Variants in ZNF451 observed in about 807,000 individuals in gnomAD.
ZNF451 encodes E3 SUMO-protein ligase ZNF451.
Under a neutral mutation model 107.1 loss-of-function variants are expected in ZNF451, and 80 were observed. The observed-to-expected ratio is 0.75, with a 90% CI of 0.62 to 0.90. ZNF451 has a LOEUF of 0.90. Among genes scored for constraint, ZNF451 ranks in the 40% least tolerant of loss-of-function variants. ZNF451 has a pLI of 0.00. For missense variants in ZNF451, 1,107 were observed against 1,236.2 expected, an observed-to-expected ratio of 0.90 and a Z score of 1.57; for synonymous variants, 362 against 406.5, an observed-to-expected ratio of 0.89 and a Z score of 1.32.
At chr6:57,145,732 C>G (rs750141659) in intron 9 of ZNF451, among the ~76,000 whole-genome samples, 1 of 152,032 alleles carries the variant, frequency 6.6e-6, no homozygotes, top group Non-Finnish European at 1.5e-5. Context: ...CATTCATTAT[C>G]GCTATTGTCA....
At chr6:57,111,068 T>C (rs1361063250) in intron 3 of ZNF451, among the ~76,000 whole-genome samples, 1 of 151,952 alleles carries the variant, frequency 6.6e-6, no homozygotes, top group East Asian at 1.9e-4. Context: ...TACAGGCGCA[T>C]GCCACCATTC....
intron 5 of ZNF451, 133 bp downstream of exon 5, chr6:57,128,973 CATAATGGCCTACTTT>C (rs1252239802): frequency 2.1e-5 from 12 of 584,660 alleles, no homozygotes; most frequent in Non-Finnish European, 2.9e-5. Flanking sequence ...AATATCACCT[CATAATGGCCTACTTT>C]ATAATGGCCT....
chr6:57,108,545 T>C, intron 3 of ZNF451: 1 of 985,384 alleles, frequency 1.0e-6, no homozygotes, highest in Non-Finnish European at 1.2e-6. Context: ...TTAATTTACA[T>C]CTAACTACTG....
intron 3 of ZNF451, among the ~76,000 whole-genome samples, chr6:57,100,441 T>G (rs1484697253): frequency 1.2e-4 from 18 of 152,188 alleles, no homozygotes; most frequent in Admixed American, 1.2e-3. Context: ...CTTCTCTGAT[T>G]CCTTTTGCTG....
chr6:57,101,770 G>A, intron 3 of ZNF451: 1 of 1,550,560 alleles, frequency 6.4e-7, no homozygotes, highest in Non-Finnish European at 8.7e-7. Flanking sequence ...TATGGCCATG[G>A]CCATAGACTA....
chr6:57,104,421 T>A, intron 3 of ZNF451: 1 of 985,404 alleles, frequency 1.0e-6, no homozygotes. Flanking sequence ...CACTTTCCAT[T>A]TGTCCCCTTT....
intron 13 of ZNF451, among the ~76,000 whole-genome samples, chr6:57,156,495 C>T (rs1763430974): frequency 6.6e-6 from 1 of 152,086 alleles, no homozygotes; most frequent in South Asian, 2.1e-4. Flanking sequence ...CATAGCTAAA[C>T]ATGGTGTTCC....
chr6:57,112,609 A>G (rs1258715564), intron 3 of ZNF451, among the ~76,000 whole-genome samples: 2 of 152,080 alleles, frequency 1.3e-5, no homozygotes, highest in African/African-American at 4.8e-5. Context: ...TGGCTTTTTC[A>G]GTAGGCAGAA....
At chr6:57,167,127 TC>T (rs1360499070) in intron 14 of ZNF451, among the ~76,000 whole-genome samples, 2 of 152,158 alleles carry the variant, frequency 1.3e-5, no homozygotes, top group African/African-American at 4.8e-5. Context: ...GAATTTTAGT[TC>T]AAAGATTTTT....
At chr6:57,156,813 G>T (rs1224191958) in intron 13 of ZNF451, among the ~76,000 whole-genome samples, 2 of 152,258 alleles carry the variant, frequency 1.3e-5, no homozygotes, top group East Asian at 3.9e-4. Context: ...CATGGATTGG[G>T]GGCAGGAGGT....
chr6:57,138,417 C>A (rs962567727), intron 7 of ZNF451, among the ~76,000 whole-genome samples: 4 of 151,568 alleles, frequency 2.6e-5, no homozygotes, highest in Non-Finnish European at 4.4e-5. Flanking sequence ...CGCCTGCCAC[C>A]ACACCCGGCT....
At chr6:57,151,061 C>CA (rs1832320788) in intron 11 of ZNF451, 199 bp downstream of exon 11, 2 of 598,628 alleles carry the variant, frequency 3.3e-6, no homozygotes, top group African/African-American at 1.9e-5. Context: ...TCTGGTGACT[C>CA]AAAGTTTATG....
intron 14 of ZNF451, among the ~76,000 whole-genome samples, 172 bp downstream of exon 14, chr6:57,161,324 C>G (rs542517500): frequency 7.9e-5 from 12 of 152,084 alleles, no homozygotes; most frequent in East Asian, 3.9e-4. Flanking sequence ...AGGGGTAATA[C>G]TAATTTAGAA....
chr6:57,130,031 A>G (rs1831111262), intron 5 of ZNF451, among the ~76,000 whole-genome samples: 1 of 152,148 alleles, frequency 6.6e-6, no homozygotes, highest in Admixed American at 6.6e-5. Context: ...TGATCCGTTT[A>G]TATGTCTGTC....
At chr6:57,109,250 T>G (rs1830004810) in intron 3 of ZNF451, 1 of 985,276 alleles carries the variant, frequency 1.0e-6, no homozygotes, top group African/African-American at 1.7e-5. Context: ...ATTGCTTGAG[T>G]TTTTTCTTTG....
intron 3 of ZNF451, 59 bp from the exon 4 acceptor site, chr6:57,124,675 T>G (rs1028498059): frequency 7.0e-5 from 86 of 1,229,808 alleles, no homozygotes; most frequent in Admixed American, 9.5e-5. Flanking sequence ...TATGAATGGA[T>G]GTATATTATC....
intron 3 of ZNF451, chr6:57,102,131 AGAT>A (rs1238320791): frequency 6.8e-7 from 1 of 1,461,886 alleles, no homozygotes; most frequent in South Asian, 1.5e-5. Context: ...TAGTCATTCA[AGAT>A]CCTAACTATT....
At chr6:57,166,463 T>A (rs1763902592) in intron 14 of ZNF451, among the ~76,000 whole-genome samples, 1 of 152,234 alleles carries the variant, frequency 6.6e-6, no homozygotes, top group Admixed American at 6.5e-5. Context: ...TTTGTACAGC[T>A]ATAGAGAAAT....
At chr6:57,156,445 A>G (rs1763428874) in intron 13 of ZNF451, among the ~76,000 whole-genome samples, 1 of 152,198 alleles carries the variant, frequency 6.6e-6, no homozygotes, top group Non-Finnish European at 1.5e-5. Context: ...CATTAATAAT[A>G]TAATTTTTGT....
Sources: gnomAD v4.1 joint callset for allele counts (sites outside exome capture counted in the v4.1 genomes callset) on GRCh38, gnomAD v4.1.1 for gene constraint, MANE v1.5 for transcripts, NCBI Gene and HGNC (gene_info 2026-07-23, HGNC 2026-07-21) for gene names.